The following PCID2 variants were observed in gnomAD, a reference collection of about 807,000 sequenced individuals.
The protein encoded by PCID2 is PCI domain-containing protein 2.
In PCID2, 41 loss-of-function variants were observed where a neutral mutation model predicts 61.3. That is an observed-to-expected ratio of 0.67 (90% CI 0.52 to 0.87). The LOEUF (loss-of-function observed/expected upper bound fraction) is 0.87, where lower values mean the gene tolerates loss of function less well. Among genes scored for constraint, PCID2 ranks in the 40% least tolerant of loss-of-function variants. The pLI, the probability that PCID2 is intolerant of heterozygous loss-of-function variation, is 0.00. For synonymous variants in PCID2, 187 were observed against 177.8 expected, an observed-to-expected ratio of 1.05 and a Z score of -0.41; for missense variants, 392 against 493.4, an observed-to-expected ratio of 0.79 and a Z score of 1.95.
intron 1 of PCID2, chr13:113,208,259 G>C (rs1019025130): frequency 6.9e-7 from 1 of 1,447,154 alleles, no homozygotes; most frequent in Non-Finnish European, 9.1e-7. Context: ...CGGGCCCTCG[G>C]CGTGGCCCGC....
chr13:113,196,900 A>G (rs1229541666), intron 4 of PCID2: 1 of 769,332 alleles, frequency 1.3e-6, no homozygotes. Context: ...TATACTTACT[A>G]CCTTACTAAA....
intron 3 of PCID2, among the ~76,000 whole-genome samples, chr13:113,197,485 T>C (rs906327756): frequency 1.4e-4 from 21 of 152,228 alleles, no homozygotes; most frequent in Non-Finnish European, 2.6e-4. Context: ...GTAACACATG[T>C]TGATAACATA....
chr13:113,199,781 A>C (rs1254095645), intron 2 of PCID2, among the ~76,000 whole-genome samples: 1 of 152,142 alleles, frequency 6.6e-6, no homozygotes, highest in Non-Finnish European at 1.5e-5. Flanking sequence ...AAAAACAAAA[A>C]CAGGCCTGCT....
rs150941601 is a variant in PCID2, at chr13:113,204,432, C to T, written c.37-3916G>A. The stretch of plus-strand genomic sequence containing the variant: ...GGATCAAACCCTGGAGTACAGACAC[C>T]GGGGCCCTCCAAGGAGAGGCGGAGA... On this transcript the variant is annotated intron_variant, in intron 1 of 13. Transcript: ENST00000337344. Among the ~76,000 whole-genome samples, 578 of 152,304 alleles carry T rather than the reference C, an allele frequency of 3.8e-3. 6 individuals carry two copies. Among genetic ancestry groups the T allele is most frequent in the African/African-American group, 0.013 (556 of 41,570 alleles).
At chr13:113,182,532 G>A (rs2037736798) in intron 9 of PCID2, among the ~76,000 whole-genome samples, 2 of 152,002 alleles carry the variant, frequency 1.3e-5, no homozygotes, top group Admixed American at 6.6e-5. Flanking sequence ...ATGGAGTCTT[G>A]CTCTGTCGCC....
In PCID2 at chr13:113,179,645, C is replaced by T. The variant is rs1049211397; in HGVS notation, c.986+272G>A. ...TGTGCTCTGATGAAATGTGGTACCG[C>T]GGCTCTCAGGGCTGATGTTCTCAAG... On this transcript the variant is annotated intron_variant, in intron 12 of 13. Coordinates refer to ENST00000337344, the MANE Select transcript of PCID2 (RefSeq NM_001127202.4). This position sits in a 1 kb window ranked among gnomAD's most constrained non-coding sequence, Gnocchi z 4.3. Among the ~76,000 whole-genome samples, 1 of 152,158 alleles carries T rather than the reference C, an allele frequency of 6.6e-6. No individual in the cohort carries two copies. The highest frequency in any genetic ancestry group is 1.5e-5 in the Non-Finnish European group (1 of 68,036).
chr13:113,176,947 G>A (rs2037200943), downstream of PCID2, among the ~76,000 whole-genome samples: 3 of 152,190 alleles, frequency 2.0e-5, no homozygotes, highest in African/African-American at 7.2e-5. Flanking sequence ...TGCTTAAGCT[G>A]CCTGTGGTAT....
chr13:113,199,914 T>C (rs535552933), intron 2 of PCID2, among the ~76,000 whole-genome samples: 1 of 152,260 alleles, frequency 6.6e-6, no homozygotes, highest in South Asian at 2.1e-4. Context: ...AGGAACACAC[T>C]CCAATATGAT....
At chr13:113,189,575 T>A (rs926474742) in intron 7 of PCID2, among the ~76,000 whole-genome samples, 4 of 152,060 alleles carry the variant, frequency 2.6e-5, no homozygotes, top group Non-Finnish European at 4.4e-5. Context: ...ATATAATTGG[T>A]GAAGAGATGG....
Position 113,189,566 on chromosome 13 carries a change from T to C in PCID2, c.467+1306A>G, listed in dbSNP as rs528627879. On this transcript the variant is annotated intron_variant, in intron 7 of 13. Coordinates refer to ENST00000337344, the MANE Select transcript of PCID2 (RefSeq NM_001127202.4). ...TAAATCTCATAAATAAATGTGATTA[T>C]ATAATTGGTGAAGAGATGGGAGTTT... Among the ~76,000 whole-genome samples the C allele has an allele frequency of 3.9e-4, 60 of 152,300 alleles. No homozygotes were observed. In the South Asian group the frequency reaches 0.012, roughly 31 times the overall value.
chr13:113,170,973 A>G, the PCID2 span, among the ~76,000 whole-genome samples: 6 of 151,018 alleles, frequency 4.0e-5, no homozygotes, highest in Admixed American at 2.0e-4. Flanking sequence ...CTCAGGCTGG[A>G]GTGCAGTGGC....
At chr13:113,187,396 T>C (rs2038212369) in intron 7 of PCID2, 1 of 152,174 alleles carries the variant, frequency 6.6e-6, no homozygotes, top group Non-Finnish European at 1.5e-5. Flanking sequence ...GGAACTGCCT[T>C]CCCATTTCCG....
At chr13:113,190,762 G>A in intron 7 of PCID2, 110 bp downstream of exon 7, 1 of 540,066 alleles carries the variant, frequency 1.9e-6, no homozygotes, top group East Asian at 3.2e-5. Flanking sequence ...ATTATAGCAT[G>A]TGTAGAAATG....
the PCID2 span, chr13:113,166,243 AAT>A: frequency 6.6e-6 from 1 of 152,256 alleles, no homozygotes; most frequent in African/African-American, 2.4e-5. Context: ...TATTTAACCC[AAT>A]ATGTGTCATT....
chr13:113,198,812 A>C (rs1566976420), intron 2 of PCID2, among the ~76,000 whole-genome samples: 1 of 152,264 alleles, frequency 6.6e-6, no homozygotes, highest in Non-Finnish European at 1.5e-5. Flanking sequence ...TCTGCAAGTC[A>C]GAAAATATTC....
the PCID2 span, among the ~76,000 whole-genome samples, chr13:113,169,118 T>C: frequency 1.3e-5 from 2 of 152,134 alleles, no homozygotes; most frequent in Non-Finnish European, 2.9e-5. Context: ...TGAAATCCCA[T>C]AGCTCAGAGA....
At position 113,183,738 on chromosome 13, in the gene PCID2, G is replaced by A. The variant is rs780610104; in HGVS notation, c.685+608C>T. 1.8e-5 allele frequency: 18 copies of A among 983,024 alleles called. No individual in the cohort carries two copies. The East Asian group carries it at 3.4e-4, about 19-fold the overall frequency. The allele number at this position is 983,024 out of a possible 1,614,324, so 60.9% of individuals were successfully genotyped here. A position where few individuals can be genotyped will look rare whatever the true frequency, so the allele number is the denominator to read the frequency against. On this transcript the variant is annotated intron_variant, in intron 9 of 13. Transcript: ENST00000337344. Reference sequence around the variant, plus strand: ...CACCAAGAATGATGCCGTGACAGCCGATAAAAATTACAAAAAGAAGACTAG... The same window carrying A: ...CACCAAGAATGATGCCGTGACAGCCAATAAAAATTACAAAAAGAAGACTAG...
chr13:113,186,921 A>G (rs2038166410), intron 7 of PCID2: 1 of 152,240 alleles, frequency 6.6e-6, no homozygotes, highest in Non-Finnish European at 1.5e-5. Context: ...GCCACAGAAC[A>G]TAAAATTACT....
the PCID2 span, among the ~76,000 whole-genome samples, chr13:113,170,800 G>A: frequency 2.0e-5 from 3 of 152,040 alleles, no homozygotes; most frequent in Non-Finnish European, 4.4e-5. Flanking sequence ...CACTGAAATT[G>A]AGCAGTTGTG....
Sources: allele counts gnomAD v4.1 joint callset (sites outside exome capture counted in the v4.1 genomes callset), GRCh38; gene constraint gnomAD v4.1.1; non-coding constraint Gnocchi (gnomAD v3.1); transcripts MANE v1.5; gene names NCBI Gene and HGNC (gene_info 2026-07-23, HGNC 2026-07-21).